TMEM272: variants seen among roughly 807,000 people sequenced by gnomAD.
The protein encoded by TMEM272 is long intergenic non-protein coding RNA 282.
TMEM272 carries 8 observed loss-of-function variants against 3.7 expected under a neutral mutation model. That is an observed-to-expected ratio of 2.17 (90% confidence interval 1.27 to 3.91). TMEM272 has a LOEUF of 3.91. Among genes scored for constraint, TMEM272 ranks in the 30% most tolerant of loss-of-function variants. The pLI is 0.00. For synonymous variants in TMEM272, 63 were observed against 39.8 expected (o/e 1.58, Z -2.20); for missense variants, 166 against 91.5 (o/e 1.81, Z -3.32).
At chr13:51,827,668 G>C (rs146398221) in intron 2 of TMEM272, among the ~76,000 whole-genome samples, 2 of 152,242 alleles carry the variant, frequency 1.3e-5, no homozygotes, top group East Asian at 3.9e-4. Context: ...CCTCATGGTA[G>C]CTTCTGTAGC....
chr13:51,848,226 A>G (rs1352526888), upstream of TMEM272, among the ~76,000 whole-genome samples: 1 of 152,176 alleles, frequency 6.6e-6, no homozygotes, highest in Non-Finnish European at 1.5e-5. Flanking sequence ...GAAGACCACC[A>G]CTGGAAATGC....
At chr13:51,821,945 G>A in intron 4 of TMEM272, 110 bp downstream of exon 4, 1 of 694,034 alleles carries the variant, frequency 1.4e-6, no homozygotes, top group Non-Finnish European at 2.6e-6. Flanking sequence ...ACGCTTAGGG[G>A]GAAGTTGTTT....
the TMEM272 span, among the ~76,000 whole-genome samples, chr13:51,912,849 G>T: frequency 2.6e-4 from 39 of 152,316 alleles, no homozygotes; most frequent in Non-Finnish European, 8.8e-5. Context: ...ATACACGAAT[G>T]AAGCAGAAAA....
chr13:51,891,903 G>A, the TMEM272 span, among the ~76,000 whole-genome samples: 1 of 152,186 alleles, frequency 6.6e-6, no homozygotes, highest in East Asian at 1.9e-4. Context: ...GGAATTGAAA[G>A]TCAAATAAAA....
intron 2 of TMEM272, among the ~76,000 whole-genome samples, chr13:51,836,179 G>A (rs989725878): frequency 6.6e-6 from 1 of 152,174 alleles, no homozygotes; most frequent in Admixed American, 6.5e-5. Flanking sequence ...ACTGGAGTGG[G>A]TTCATTATAA....
At chr13:51,908,880 T>C in the TMEM272 span, 1 of 1,421,630 alleles carries the variant, frequency 7.0e-7, no homozygotes. Context: ...CTTGTGAGGA[T>C]CAGTAAACCT....
the TMEM272 span, among the ~76,000 whole-genome samples, chr13:51,863,674 C>CAT: frequency 4.2e-5 from 1 of 24,006 alleles, no homozygotes; most frequent in Admixed American, 4.4e-4. Flanking sequence ...CGCACACAGA[C>CAT]ACACACACAC....
chr13:51,877,922 T>G, the TMEM272 span, among the ~76,000 whole-genome samples: 7 of 152,240 alleles, frequency 4.6e-5, no homozygotes. Flanking sequence ...TCTTTTGTTG[T>G]ACCCCTCCTT....
At chr13:51,853,352 G>A in the TMEM272 span, among the ~76,000 whole-genome samples, 1 of 152,086 alleles carries the variant, frequency 6.6e-6, no homozygotes, top group East Asian at 1.9e-4. Flanking sequence ...AGAGGTTGCA[G>A]TGAGCTGAGA....
upstream of TMEM272, among the ~76,000 whole-genome samples, chr13:51,846,068 T>G (rs1956302754): frequency 6.6e-6 from 1 of 152,122 alleles, no homozygotes; most frequent in South Asian, 2.1e-4. Flanking sequence ...AAGGAGCTGC[T>G]CCCTCTGAAG....
At chr13:51,868,304 G>C in the TMEM272 span, among the ~76,000 whole-genome samples, 1 of 152,212 alleles carries the variant, frequency 6.6e-6, no homozygotes, top group African/African-American at 2.4e-5. Context: ...ATGCTAGGAG[G>C]GAAGAGGCCC....
the TMEM272 span, among the ~76,000 whole-genome samples, chr13:51,921,924 A>ATG: frequency 4.8e-4 from 73 of 151,614 alleles, no homozygotes; most frequent in African/African-American, 1.2e-3. Flanking sequence ...GTGTGTGTGT[A>ATG]TGTGTGTGTG....
At chr13:51,858,499 C>T in the TMEM272 span, among the ~76,000 whole-genome samples, 1 of 152,038 alleles carries the variant, frequency 6.6e-6, no homozygotes. Context: ...TTGTAAATAG[C>T]CAATAGATCC....
At chr13:51,884,242 C>T in the TMEM272 span, among the ~76,000 whole-genome samples, 11 of 152,024 alleles carry the variant, frequency 7.2e-5, no homozygotes, top group African/African-American at 2.2e-4. Context: ...GACCCATAAC[C>T]TGTATTTGAC....
chr13:51,930,841 A>G, the TMEM272 span, among the ~76,000 whole-genome samples: 1 of 151,888 alleles, frequency 6.6e-6, no homozygotes, highest in African/African-American at 2.4e-5. Flanking sequence ...TTTATAAAAA[A>G]TAAGTTTTTA....
At chr13:51,818,844 C>T (rs558024075) in intron 4 of TMEM272, among the ~76,000 whole-genome samples, 36 of 152,174 alleles carry the variant, frequency 2.4e-4, no homozygotes, top group African/African-American at 7.5e-4. Flanking sequence ...AGCCTGGGGC[C>T]GCGTATTATC....
intron 1 of TMEM272, among the ~76,000 whole-genome samples, chr13:51,840,151 G>A (rs77049000): frequency 6.6e-6 from 1 of 152,084 alleles, no homozygotes; most frequent in East Asian, 1.9e-4. Context: ...TTTGAAATGA[G>A]GCCTCCGAGA....
the TMEM272 span, among the ~76,000 whole-genome samples, chr13:51,903,841 G>C: frequency 6.6e-6 from 1 of 152,104 alleles, no homozygotes; most frequent in Non-Finnish European, 1.5e-5. Flanking sequence ...GAACCATATA[G>C]GGTCTTCTGC....
chr13:51,872,272 C>CA, the TMEM272 span, among the ~76,000 whole-genome samples: 1 of 151,010 alleles, frequency 6.6e-6, no homozygotes, highest in Non-Finnish European at 1.5e-5. Context: ...TTCAGAAAAC[C>CA]AAAAAAAGAG....
Sources: allele counts gnomAD v4.1 joint callset (sites outside exome capture counted in the v4.1 genomes callset), GRCh38; gene constraint gnomAD v4.1.1; transcripts MANE v1.5; gene names NCBI Gene and HGNC (gene_info 2026-07-23, HGNC 2026-07-21).